TMEM131L: variants seen among roughly 807,000 people sequenced by gnomAD.
The protein encoded by TMEM131L is transmembrane 131 like.
TMEM131L carries 54 observed loss-of-function variants against 192.2 expected under a neutral mutation model. The ratio of observed to expected loss-of-function variants is 0.28; its 90% CI spans 0.23 to 0.35. The LOEUF (loss-of-function observed/expected upper bound fraction) is 0.35, where lower values mean the gene tolerates loss of function less well. TMEM131L is among the 10% of genes least tolerant of loss of function. The pLI is 1.00. For synonymous variants in TMEM131L, 701 were observed against 704.9 expected, an observed-to-expected ratio of 0.99 and a Z score of 0.09; for missense variants, 1,888 against 1,972.9, an observed-to-expected ratio of 0.96 and a Z score of 0.82.
intron 26 of TMEM131L, among the ~76,000 whole-genome samples, 156 bp downstream of exon 26, chr4:153,612,556 C>T (rs781617621): frequency 3.3e-5 from 5 of 152,158 alleles, no homozygotes; most frequent in Non-Finnish European, 7.4e-5. Context: ...TATTTACCTT[C>T]TAATTATATA....
chr4:153,596,454 A>G, intron 20 of TMEM131L, 69 bp downstream of exon 20: 1 of 1,567,476 alleles, frequency 6.4e-7, no homozygotes, highest in Non-Finnish European at 8.7e-7. Context: ...TCTTTAGCTG[A>G]TAGTTGACGT....
intron 3 of TMEM131L, among the ~76,000 whole-genome samples, chr4:153,542,399 C>CATT (rs1736854089): frequency 6.6e-6 from 1 of 151,708 alleles, no homozygotes; most frequent in South Asian, 2.1e-4. Flanking sequence ...GCAAGGGCCA[C>CATT]GTTGCAGAGA....
At chr4:153,550,431 A>G (rs565016494) in intron 4 of TMEM131L, among the ~76,000 whole-genome samples, 2 of 151,978 alleles carry the variant, frequency 1.3e-5, no homozygotes, top group Non-Finnish European at 2.9e-5. Flanking sequence ...GGTTTACGCC[A>G]TTCTCCTACC....
At chr4:153,574,831 G>T (rs780430280) in intron 7 of TMEM131L, among the ~76,000 whole-genome samples, 1 of 152,060 alleles carries the variant, frequency 6.6e-6, no homozygotes, top group Non-Finnish European at 1.5e-5. Context: ...CGAGTGATCC[G>T]CCCTCCTTGG....
chr4:153,525,469 A>G (rs1023316256), intron 3 of TMEM131L, among the ~76,000 whole-genome samples: 8 of 151,928 alleles, frequency 5.3e-5, no homozygotes, highest in African/African-American at 1.9e-4. Flanking sequence ...CCTCCCAGGT[A>G]GCTGGGGTTA....
At chr4:153,559,490 C>T (rs1281996619) in intron 7 of TMEM131L, among the ~76,000 whole-genome samples, 1 of 152,036 alleles carries the variant, frequency 6.6e-6, no homozygotes, top group Non-Finnish European at 1.5e-5. Context: ...GGAATAGAGA[C>T]AGGTATTCAG....
chr4:153,627,440 C>A (rs1268880333), intron 30 of TMEM131L, among the ~76,000 whole-genome samples, 165 bp from the exon 31 acceptor site: 4 of 152,180 alleles, frequency 2.6e-5, no homozygotes, highest in African/African-American at 9.7e-5. Flanking sequence ...CAATTCTTTT[C>A]TGGCTGTGTA....
intron 3 of TMEM131L, among the ~76,000 whole-genome samples, chr4:153,529,812 G>A (rs986471140): frequency 9.2e-5 from 14 of 152,104 alleles, no homozygotes; most frequent in Admixed American, 7.9e-4. Flanking sequence ...TTTGGCTTAT[G>A]CCCATGTTTT....
rs983611947 is a variant in TMEM131L, at chr4:153,466,406, G to T, written c.9G>T (p.Gly3=). Residue 3 remains glycine (G), a synonymous_variant, in exon 1 of 35, where the codon GGG becomes GGT. Transcript: ENST00000409959. The part of the protein sequence containing the change: MA[G]LRRPQPGCYC... The stretch of plus-strand genomic sequence containing the variant: ...GGAGCGCGAGCAGCAGCATGGCGGG[G>T]CTCCGACGCCCGCAGCCCGGCTGCT... The T allele has an allele frequency of 2.2e-6, 3 of 1,345,774 alleles. No individual in the cohort carries two copies. Among genetic ancestry groups the T allele is most frequent in the South Asian group, 1.8e-5 (1 of 55,424 alleles). The allele number at this position is 1,345,774 out of a possible 1,614,324, so 83.4% of individuals were successfully genotyped here.
intron 3 of TMEM131L, among the ~76,000 whole-genome samples, chr4:153,521,862 G>GTTTTTTTTTTTT (rs34480228): frequency 7.3e-6 from 1 of 137,124 alleles, no homozygotes; most frequent in Non-Finnish European, 1.6e-5. Context: ...TGTTTTCTGT[G>GTTTTTTTTTTTT]TTTTTTTTTT....
At position 153,612,311 on chromosome 4, in the gene TMEM131L, G is replaced by T. The variant is rs934998137; in HGVS notation, c.3478G>T (p.Val1160Leu). The change falls in exon 26 of 35, where the codon GTG becomes TTG. Residue 1160 changes from valine (V) to leucine (L), a missense_variant. Val to Leu is a conservative substitution (Grantham distance 32, BLOSUM62 1). Transcript: ENST00000409959. The stretch of plus-strand genomic sequence containing the variant: ...AGATCATTGTGAAAATTTGAAGAAG[G>T]TGGACACAAAGCCTTCTTCAGAAAA... Reference protein sequence around the residue: ...EVDHCENLKKVDTKPSSEKKI... With the variant: ...EVDHCENLKKLDTKPSSEKKI... The T allele has an allele frequency of 6.3e-7, 1 of 1,596,498 alleles. No homozygotes were observed. The highest frequency in any genetic ancestry group is 8.5e-7 in the Non-Finnish European group (1 of 1,174,054).
chr4:153,530,902 G>A (rs1735852026), intron 3 of TMEM131L, among the ~76,000 whole-genome samples: 1 of 152,100 alleles, frequency 6.6e-6, no homozygotes, highest in Admixed American at 6.5e-5. Context: ...CTGGAGGCCC[G>A]GCATAGAGCC....
At chr4:153,564,031 G>T (rs573074756) in intron 7 of TMEM131L, among the ~76,000 whole-genome samples, 1 of 152,030 alleles carries the variant, frequency 6.6e-6, no homozygotes, top group South Asian at 2.1e-4. Context: ...GCTCACACCT[G>T]TAATCCCAGC....
At chr4:153,553,457 TAAAAA>T (rs34266190) in intron 4 of TMEM131L, among the ~76,000 whole-genome samples, 2 of 143,864 alleles carry the variant, frequency 1.4e-5, no homozygotes, top group East Asian at 2.0e-4. Flanking sequence ...TTGCTGAAGT[TAAAAA>T]AAAAAAAAAC....
At position 153,604,274 on chromosome 4, in the gene TMEM131L, G is replaced by A. The variant is rs1732059555; in HGVS notation, c.3262G>A (p.Glu1088Lys). ...AATACAGACATGTATGTTTCCTAAGGAAACTGACATTAAAACTTCAGAGAA... is the reference window on the plus strand; with the variant it reads ...AATACAGACATGTATGTTTCCTAAGAAAACTGACATTAAAACTTCAGAGAA... The part of the protein sequence containing the change: ...EGIQTCMFPK[E>K]TDIKTSENTA... Residue 1088 changes from glutamate (E) to lysine (K), a missense_variant, in exon 25 of 35, where the codon GAA (glutamate) becomes AAA (lysine). By Grantham distance (56) the Glu-to-Lys change is moderately conservative (BLOSUM62 1). Transcript: ENST00000409959. 6.2e-7 allele frequency: 1 copy of A among 1,613,954 alleles called. No homozygotes were observed. Among genetic ancestry groups the A allele is most frequent in the African/African-American group, 1.3e-5 (1 of 74,886 alleles).
intron 26 of TMEM131L, among the ~76,000 whole-genome samples, chr4:153,620,309 A>AAAC (rs1733299821): frequency 1.3e-5 from 2 of 152,246 alleles, no homozygotes; most frequent in Non-Finnish European, 2.9e-5. Context: ...GGAGCATTCT[A>AAAC]TAGAGATTTG....
At chr4:153,491,974 G>A (rs1248092445) in intron 3 of TMEM131L, among the ~76,000 whole-genome samples, 3 of 152,072 alleles carry the variant, frequency 2.0e-5, no homozygotes, top group African/African-American at 7.2e-5. Context: ...TGTTGGGATT[G>A]TAGGCAGGAG....
chr4:153,551,016 C>CA (rs1188096752), intron 4 of TMEM131L, among the ~76,000 whole-genome samples: 1 of 152,208 alleles, frequency 6.6e-6, no homozygotes, highest in Non-Finnish European at 1.5e-5. Flanking sequence ...ATGAAAGCAA[C>CA]ATAAGGACTC....
chr4:153,619,695 A>G (rs1561249687), intron 26 of TMEM131L, among the ~76,000 whole-genome samples: 1 of 152,170 alleles, frequency 6.6e-6, no homozygotes, highest in East Asian at 1.9e-4. Context: ...GTTACCTAAA[A>G]CCTTTTTCTC....
Sources: gnomAD v4.1 joint callset for allele counts (sites outside exome capture counted in the v4.1 genomes callset) on GRCh38, gnomAD v4.1.1 for gene constraint, MANE v1.5 for transcripts, NCBI Gene and HGNC (gene_info 2026-07-23, HGNC 2026-07-21) for gene names.